ERBB4: variants seen among roughly 807,000 people sequenced by gnomAD.
ERBB4 encodes erb-b2 receptor tyrosine kinase 4, also known as receptor tyrosine-protein kinase erbB-4.
In ERBB4, 42 loss-of-function variants were observed where a neutral mutation model predicts 158.0. The observed-to-expected ratio is 0.27, with a 90% CI of 0.21 to 0.34. The LOEUF (loss-of-function observed/expected upper bound fraction) is 0.34. Ranked by LOEUF, ERBB4 falls within the 10% of genes least tolerant of loss-of-function variation. ERBB4 has a pLI of 1.00. For synonymous variants in ERBB4, 583 were observed against 558.7 expected (o/e 1.04, Z -0.61); for missense variants, 1,333 against 1,624.1 (o/e 0.82, Z 3.08).
chr2:212,377,634 T>C (rs1323496190), intron 1 of ERBB4, among the ~76,000 whole-genome samples: 1 of 151,904 alleles, frequency 6.6e-6, no homozygotes, highest in African/African-American at 2.4e-5. Flanking sequence ...TAGGAGTTGC[T>C]CTAGGTGAGT....
intron 6 of ERBB4, 25 bp downstream of exon 6, chr2:211,725,051 T>C (rs749082557): frequency 1.4e-6 from 2 of 1,454,900 alleles, no homozygotes; most frequent in East Asian, 2.3e-5. Context: ...AGCAGGATAA[T>C]AAAAGAGAGA....
intron 1 of ERBB4, among the ~76,000 whole-genome samples, chr2:212,213,825 G>A (rs2083010506): frequency 6.6e-6 from 1 of 151,788 alleles, no homozygotes; most frequent in South Asian, 2.1e-4. Flanking sequence ...TCTATTTTAG[G>A]TTGTAGCTGT....
At chr2:212,245,571 G>A (rs1337017265) in intron 1 of ERBB4, among the ~76,000 whole-genome samples, 1 of 152,114 alleles carries the variant, frequency 6.6e-6, no homozygotes, top group East Asian at 1.9e-4. Flanking sequence ...TGAAACTGTA[G>A]AGAAGGTTTA....
At chr2:211,505,477 A>G (rs2065720921) in intron 20 of ERBB4, among the ~76,000 whole-genome samples, 1 of 147,888 alleles carries the variant, frequency 6.8e-6, no homozygotes, top group Non-Finnish European at 1.5e-5. Context: ...ACGAAAATGA[A>G]AGAATGATAC....
At chr2:211,874,910 A>G (rs1575294288) in intron 3 of ERBB4, among the ~76,000 whole-genome samples, 1 of 152,042 alleles carries the variant, frequency 6.6e-6, no homozygotes, top group Admixed American at 6.6e-5. Context: ...CAAATTGCCA[A>G]AATAATGTTT....
intron 1 of ERBB4, among the ~76,000 whole-genome samples, chr2:212,161,514 C>T (rs1041677596): frequency 6.6e-6 from 1 of 151,900 alleles, no homozygotes; most frequent in African/African-American, 2.4e-5. Context: ...TTCTGCTAAA[C>T]TCTAAAACCT....
At chr2:212,054,088 C>A (rs1295329440) in intron 2 of ERBB4, among the ~76,000 whole-genome samples, 68 of 152,192 alleles carry the variant, frequency 4.5e-4, no homozygotes, top group Non-Finnish European at 1.3e-4. Context: ...TCTTGCCCCA[C>A]AGGGAAGAGT....
intron 1 of ERBB4, among the ~76,000 whole-genome samples, chr2:212,253,804 AT>A (rs2084627621): frequency 6.6e-6 from 1 of 152,172 alleles, no homozygotes; most frequent in Non-Finnish European, 1.5e-5. Flanking sequence ...ATCGTTAGGC[AT>A]TTTGGTCACT....
At chr2:211,880,601 T>C (rs2078635627) in intron 3 of ERBB4, among the ~76,000 whole-genome samples, 1 of 152,166 alleles carries the variant, frequency 6.6e-6, no homozygotes, top group Admixed American at 6.5e-5. Context: ...TAACATGTTA[T>C]AACATGTCTG....
chr2:212,190,459 C>A (rs1476729797), intron 1 of ERBB4, among the ~76,000 whole-genome samples: 1 of 151,332 alleles, frequency 6.6e-6, no homozygotes, highest in Non-Finnish European at 1.5e-5. Context: ...ATGGCGTGAA[C>A]CCGGGAGGTG....
intron 1 of ERBB4, among the ~76,000 whole-genome samples, chr2:212,379,120 CATT>C (rs1159100137): frequency 6.6e-6 from 1 of 151,718 alleles, no homozygotes; most frequent in African/African-American, 2.4e-5. Context: ...AACCTTCAAA[CATT>C]AGCTGAAATT....
chr2:212,140,800 G>T (rs2080437227), intron 1 of ERBB4, among the ~76,000 whole-genome samples: 2 of 149,896 alleles, frequency 1.3e-5, no homozygotes. Context: ...GCTCTATAAA[G>T]TTCAAAAACA....
intron 19 of ERBB4, among the ~76,000 whole-genome samples, chr2:211,604,932 G>A (rs535347020): frequency 6.6e-6 from 1 of 152,196 alleles, no homozygotes; most frequent in African/African-American, 2.4e-5. Context: ...AAAAAGACAT[G>A]CAGAGAAAAT....
chr2:212,127,620 A>G (rs2079982029), intron 1 of ERBB4, among the ~76,000 whole-genome samples: 4 of 152,100 alleles, frequency 2.6e-5, no homozygotes, highest in South Asian at 2.1e-4. Flanking sequence ...AAAAAAACAC[A>G]TTATGTTTTT....
In ERBB4 at chr2:211,712,094, G is replaced by A. The variant is rs183921316; in HGVS notation, c.1080C>T (p.Thr360=). ...GAAAGATCAAATTCCCATTGATCTT[G>A]GTACAGTTTATGAATTTGTCAATGT... The part of the protein sequence containing the change: ...SSNIDKFINC[T]KINGNLIFLV... Residue 360 remains threonine, a synonymous_variant, in exon 9 of 28, where the codon ACC becomes ACT. Coordinates refer to ENST00000342788, the MANE Select transcript of ERBB4 (RefSeq NM_005235.3). 6.2e-7 allele frequency: 1 copy of A among 1,610,984 alleles called. No individual in the cohort carries two copies. Among genetic ancestry groups the A allele is most frequent in the Admixed American group, 1.7e-5 (1 of 59,982 alleles).
At chr2:211,712,310 A>T in intron 8 of ERBB4, 134 bp from the exon 9 acceptor site, 1 of 878,610 alleles carries the variant, frequency 1.1e-6, no homozygotes, top group Non-Finnish European at 1.8e-6. Flanking sequence ...TTGTTTTCTA[A>T]AAAGTAAAAT....
chr2:212,286,577 G>A (rs2085969955), intron 1 of ERBB4, among the ~76,000 whole-genome samples: 1 of 140,326 alleles, frequency 7.1e-6, no homozygotes, highest in African/African-American at 2.7e-5. Context: ...TAAATGAGAT[G>A]ATTACATAAG....
chr2:212,302,895 C>A (rs756230584), intron 1 of ERBB4, among the ~76,000 whole-genome samples: 3 of 150,992 alleles, frequency 2.0e-5, no homozygotes, highest in Non-Finnish European at 3.0e-5. Context: ...AATTGTTTAT[C>A]CCAACAAGTA....
chr2:211,737,389 C>T (rs1053087457), intron 5 of ERBB4, among the ~76,000 whole-genome samples: 2 of 152,180 alleles, frequency 1.3e-5, no homozygotes, highest in African/African-American at 4.8e-5. Flanking sequence ...AGAACTTTCT[C>T]TAGTCCCACT....
Sources: allele counts gnomAD v4.1 joint callset (sites outside exome capture counted in the v4.1 genomes callset), GRCh38; gene constraint gnomAD v4.1.1; transcripts MANE v1.5; gene names NCBI Gene and HGNC (gene_info 2026-07-23, HGNC 2026-07-21).